The following LRP1B variants were observed in gnomAD, a reference collection of about 807,000 sequenced individuals.
LRP1B encodes the protein low-density lipoprotein receptor-related protein 1B.
LRP1B carries 217 observed loss-of-function variants against 556.6 expected under a neutral mutation model. The ratio of observed to expected loss-of-function variants is 0.39; its 90% CI spans 0.35 to 0.44. LRP1B has a LOEUF of 0.44. Ranked by LOEUF, LRP1B falls within the 20% of genes least tolerant of loss-of-function variation. LRP1B has a pLI of 1.00. For missense variants in LRP1B, 5,053 were observed against 5,620.8 expected, an observed-to-expected ratio of 0.90 and a Z score of 3.23; for synonymous variants, 2,047 against 1,865.8, an observed-to-expected ratio of 1.10 and a Z score of -2.50.
At chr2:141,563,337 A>T (rs941703781) in intron 2 of LRP1B, among the ~76,000 whole-genome samples, 3 of 152,082 alleles carry the variant, frequency 2.0e-5, no homozygotes, top group Non-Finnish European at 4.4e-5. Context: ...TAGAAGTGAG[A>T]TTGGAAATAA....
At chr2:141,880,484 C>A (rs1041441063) in intron 1 of LRP1B, among the ~76,000 whole-genome samples, 2 of 151,394 alleles carry the variant, frequency 1.3e-5, no homozygotes, top group African/African-American at 4.9e-5. Flanking sequence ...AAAAAGAAAC[C>A]TACAAGCAAC....
chr2:140,393,443 T>A (rs1349918229), intron 66 of LRP1B, among the ~76,000 whole-genome samples: 1 of 152,028 alleles, frequency 6.6e-6, no homozygotes, highest in Non-Finnish European at 1.5e-5. Flanking sequence ...CTTTTTTTTT[T>A]AAGTTTGCTA....
At chr2:141,506,443 AC>A (rs1389018276) in intron 2 of LRP1B, among the ~76,000 whole-genome samples, 1 of 152,122 alleles carries the variant, frequency 6.6e-6, no homozygotes, top group Non-Finnish European at 1.5e-5. Flanking sequence ...AGTGTTAATT[AC>A]CTATGCAATT....
At chr2:141,121,186 T>C (rs1297792335) in intron 7 of LRP1B, among the ~76,000 whole-genome samples, 4 of 152,028 alleles carry the variant, frequency 2.6e-5, no homozygotes, top group African/African-American at 9.7e-5. Context: ...CTCATGGAGT[T>C]ATTGTCAGAT....
At chr2:140,814,216 G>A (rs1298130717) in intron 31 of LRP1B, among the ~76,000 whole-genome samples, 1 of 151,970 alleles carries the variant, frequency 6.6e-6, no homozygotes, top group South Asian at 2.1e-4. Context: ...GGGCTCAAGC[G>A]ATCCTGTCAC....
chr2:140,435,444 A>T (rs1686132021), intron 66 of LRP1B, among the ~76,000 whole-genome samples: 1 of 152,182 alleles, frequency 6.6e-6, no homozygotes. Flanking sequence ...AAAAAGTTCA[A>T]CTGCATCAAT....
At chr2:140,316,732 T>TGGGAAAAAATATATAAAATATA (rs1553445682) in intron 82 of LRP1B, among the ~76,000 whole-genome samples, 2 of 151,588 alleles carry the variant, frequency 1.3e-5, no homozygotes, top group African/African-American at 4.9e-5. Flanking sequence ...AAATAAGAAA[T>TGGGAAAAAATATATAAAATATA]GGGAAAAAAA....
At chr2:141,769,469 G>C (rs1694829693) in intron 2 of LRP1B, among the ~76,000 whole-genome samples, 2 of 152,216 alleles carry the variant, frequency 1.3e-5, no homozygotes, top group Non-Finnish European at 1.5e-5. Context: ...ACAGAGAACA[G>C]TGCTCCAAAG....
At chr2:141,781,471 A>C (rs888672484) in intron 2 of LRP1B, among the ~76,000 whole-genome samples, 2 of 152,148 alleles carry the variant, frequency 1.3e-5, no homozygotes, top group African/African-American at 4.8e-5. Flanking sequence ...CTGTGGCCAA[A>C]ATTGAAACCC....
In LRP1B at chr2:141,525,110, C is replaced by A. The variant is rs564892743; in HGVS notation, c.206-44577G>T. On this transcript the variant is annotated intron_variant, in intron 2 of 90. Coordinates refer to ENST00000389484, the MANE Select transcript of LRP1B (RefSeq NM_018557.3). ...TAAGTGTTTCTTACATAATTACAAA[C>A]CCTGGACAAACAACAGTTTCATCCC... Among the ~76,000 whole-genome samples the A allele has an allele frequency of 2.4e-4, 36 of 152,052 alleles. 1 individual carries two copies. The highest frequency in any genetic ancestry group is 2.1e-3 in the Admixed American group (32 of 15,230).
chr2:140,379,845 A>G (rs1346661581), intron 67 of LRP1B, among the ~76,000 whole-genome samples: 1 of 152,152 alleles, frequency 6.6e-6, no homozygotes, highest in African/African-American at 2.4e-5. Flanking sequence ...GTGCCATTTG[A>G]TAGAATGGGA....
At chr2:141,043,586 A>G (rs975518862) in intron 11 of LRP1B, among the ~76,000 whole-genome samples, 3 of 151,906 alleles carry the variant, frequency 2.0e-5, no homozygotes, top group African/African-American at 7.2e-5. Flanking sequence ...TCTAGGTAAA[A>G]ATGCTTTGAA....
intron 20 of LRP1B, among the ~76,000 whole-genome samples, chr2:140,927,610 T>A (rs1573888765): frequency 7.1e-6 from 1 of 141,284 alleles, no homozygotes; most frequent in Admixed American, 6.9e-5. Context: ...ATTTATCATT[T>A]ATTTTATGCT....
intron 1 of LRP1B, among the ~76,000 whole-genome samples, chr2:141,834,406 C>A (rs1471778190): frequency 6.6e-6 from 1 of 151,672 alleles, no homozygotes; most frequent in East Asian, 1.9e-4. Context: ...GAGATAGAAA[C>A]AAAGTGGCTA....
intron 31 of LRP1B, among the ~76,000 whole-genome samples, chr2:140,821,795 G>A (rs1438833874): frequency 6.6e-6 from 1 of 152,194 alleles, no homozygotes; most frequent in Non-Finnish European, 1.5e-5. Context: ...AGCACTTTGT[G>A]AGGCTGAGGC....
chr2:141,315,252 A>ATTTTTTTTTTTTTTTTTTTTTTT (rs34839276), intron 3 of LRP1B, among the ~76,000 whole-genome samples: 3 of 77,164 alleles, frequency 3.9e-5, no homozygotes, highest in Admixed American at 2.2e-4. Context: ...AATGATTGTA[A>ATTTTTTTTTTTTTTTTTTTTTTT]TTTTTTTTTT....
chr2:142,015,991 CAAAAA>C (rs70994471), intron 1 of LRP1B, among the ~76,000 whole-genome samples: 7 of 38,796 alleles, frequency 1.8e-4, no homozygotes, highest in East Asian at 1.4e-3. Context: ...GACTCCATCT[CAAAAA>C]AAAAAAAAAA....
In LRP1B at chr2:140,759,868, A is replaced by C. The variant is rs923310226; in HGVS notation, c.5758+9345T>G. Among the ~76,000 whole-genome samples the C allele has an allele frequency of 3.9e-5, 6 of 152,222 alleles. No individual in the cohort carries two copies. In the East Asian group the frequency reaches 5.8e-4, roughly 15 times the overall value. ...TACAAATACAAATGCACAAATACAA[A>C]TACACAATTTCCCAGGCAATCCTAG... On this transcript the variant is annotated intron_variant, in intron 35 of 90. Coordinates refer to ENST00000389484, the MANE Select transcript of LRP1B (RefSeq NM_018557.3).
chr2:141,433,899 C>T (rs543948986), intron 3 of LRP1B, among the ~76,000 whole-genome samples: 3 of 148,770 alleles, frequency 2.0e-5, no homozygotes, highest in African/African-American at 7.4e-5. Flanking sequence ...AGTACTTCTG[C>T]TATTTTCAGT....
Sources: allele counts gnomAD v4.1 joint callset (sites outside exome capture counted in the v4.1 genomes callset), GRCh38; gene constraint gnomAD v4.1.1; transcripts MANE v1.5; gene names NCBI Gene and HGNC (gene_info 2026-07-23, HGNC 2026-07-21).